SPOCK3: variants seen among roughly 807,000 people sequenced by gnomAD.
The protein encoded by SPOCK3 is testican-3.
A neutral mutation model predicts 56.6 loss-of-function variants in SPOCK3; 30 were observed. That is an observed-to-expected ratio of 0.53 (90% CI 0.40 to 0.72). SPOCK3 has a LOEUF of 0.72. SPOCK3 is among the 30% of genes least tolerant of loss of function. SPOCK3 has a pLI of 0.00. For synonymous variants in SPOCK3, 196 were observed against 183.3 expected (o/e 1.07, Z -0.56); for missense variants, 527 against 530.0 (o/e 0.99, Z 0.06).
intron 3 of SPOCK3, among the ~76,000 whole-genome samples, chr4:167,057,515 C>A (rs896563695): frequency 3.3e-5 from 5 of 151,800 alleles, no homozygotes; most frequent in Non-Finnish European, 5.9e-5. Flanking sequence ...AGTCAAGACC[C>A]ATCAGTGTGC....
At chr4:166,753,191 CA>C (rs1736648857) in intron 8 of SPOCK3, among the ~76,000 whole-genome samples, 1 of 151,324 alleles carries the variant, frequency 6.6e-6, no homozygotes, top group Admixed American at 6.6e-5. Flanking sequence ...ACCATAACAC[CA>C]AAAAATAAAA....
intron 7 of SPOCK3, among the ~76,000 whole-genome samples, chr4:166,773,428 CT>C (rs1374965534): frequency 7.5e-6 from 1 of 132,770 alleles, no homozygotes; most frequent in Non-Finnish European, 1.7e-5. Context: ...ATAAAAGTAA[CT>C]GTTTCTTTTA....
At chr4:167,219,217 C>T (rs13119837) in intron 2 of SPOCK3, among the ~76,000 whole-genome samples, 4,816 of 152,160 alleles carry the variant, frequency 0.032, 114 homozygotes, top group Middle Eastern at 0.075. Flanking sequence ...TACTGGAAGA[C>T]TAGGAGGTTG....
intron 3 of SPOCK3, among the ~76,000 whole-genome samples, chr4:167,047,779 G>A (rs917405880): frequency 6.6e-6 from 1 of 152,146 alleles, no homozygotes; most frequent in African/African-American, 2.4e-5. Context: ...CTAGTGCTGT[G>A]GCTCACGCCT....
intron 4 of SPOCK3, among the ~76,000 whole-genome samples, chr4:166,987,376 C>G (rs1036543684): frequency 2.0e-5 from 3 of 152,188 alleles, no homozygotes; most frequent in Non-Finnish European, 4.4e-5. Flanking sequence ...TGCTCTGCCA[C>G]CTTGCCTCTT....
At chr4:167,161,367 A>G (rs573311615) in intron 2 of SPOCK3, among the ~76,000 whole-genome samples, 205 of 152,148 alleles carry the variant, frequency 1.3e-3, no homozygotes, top group African/African-American at 4.6e-3. Context: ...TTAGAATGGC[A>G]ATCATTAAAA....
At position 167,119,687 on chromosome 4, in the gene SPOCK3, A is replaced by G. The variant is rs551677746; in HGVS notation, c.190-57150T>C. ...CTTGTTTGTTTGATGCATATCAGAA[A>G]AACAACACATTTGAAGTATTTAAAT... is the stretch of plus-strand genomic sequence containing the variant. On this transcript the variant is annotated intron_variant, in intron 2 of 10. Coordinates refer to ENST00000357545, the MANE Select transcript of SPOCK3 (RefSeq NM_001040159.2). 13 of 773,600 alleles carry G rather than the reference A, an allele frequency of 1.7e-5. No homozygotes were observed. The South Asian group carries it at 2.2e-4, about 13-fold the overall frequency. 47.9% of individuals were successfully genotyped at this position (773,600 alleles called of 1,614,324 possible). A position where few individuals can be genotyped will look rare whatever the true frequency, so the allele number is the denominator to read the frequency against.
intron 6 of SPOCK3, among the ~76,000 whole-genome samples, chr4:166,853,484 T>C (rs1730344267): frequency 6.6e-6 from 1 of 152,216 alleles, no homozygotes; most frequent in Non-Finnish European, 1.5e-5. Context: ...AAGGTCACAA[T>C]AACACCTTTT....
intron 4 of SPOCK3, among the ~76,000 whole-genome samples, chr4:166,922,457 T>C (rs10020692): frequency 0.6 from 90,797 of 151,964 alleles, 28,126 homozygotes; most frequent in African/African-American, 0.76. Context: ...TTCTAACTCC[T>C]CTTATGCTTT....
chr4:167,205,358 ATAT>A (rs1734056750), intron 2 of SPOCK3, among the ~76,000 whole-genome samples: 2 of 37,762 alleles, frequency 5.3e-5, no homozygotes, highest in Admixed American at 5.7e-4. Context: ...TATAATATAT[ATAT>A]TATATATTTT....
At chr4:166,913,604 T>C (rs2127102636) in intron 4 of SPOCK3, among the ~76,000 whole-genome samples, 1 of 152,324 alleles carries the variant, frequency 6.6e-6, no homozygotes, top group East Asian at 1.9e-4. Flanking sequence ...AGAAACATTT[T>C]TTTTCTTTTT....
chr4:166,750,980 C>A (rs1463360992), intron 8 of SPOCK3, among the ~76,000 whole-genome samples: 1 of 152,138 alleles, frequency 6.6e-6, no homozygotes, highest in African/African-American at 2.4e-5. Context: ...ACAACTCCAA[C>A]AGGGTACCAT....
intron 2 of SPOCK3, among the ~76,000 whole-genome samples, chr4:167,116,200 T>C (rs1019754577): frequency 2.0e-5 from 3 of 151,694 alleles, no homozygotes; most frequent in Non-Finnish European, 4.4e-5. Flanking sequence ...TACAGACACA[T>C]ACACACACCC....
At chr4:166,867,986 T>C (rs1345068165) in intron 6 of SPOCK3, among the ~76,000 whole-genome samples, 1 of 152,032 alleles carries the variant, frequency 6.6e-6, no homozygotes, top group African/African-American at 2.4e-5. Context: ...GATTAAGAAA[T>C]AAATGGCATT....
chr4:166,772,983 A>T (rs777925045), intron 7 of SPOCK3, among the ~76,000 whole-genome samples: 7 of 152,114 alleles, frequency 4.6e-5, no homozygotes, highest in Non-Finnish European at 8.8e-5. Context: ...TTGTAGAGAC[A>T]GAGTCACTGT....
chr4:166,924,507 C>CT (rs1404054603), intron 4 of SPOCK3, among the ~76,000 whole-genome samples: 3 of 152,188 alleles, frequency 2.0e-5, no homozygotes, highest in Non-Finnish European at 4.4e-5. Flanking sequence ...CTAATTTCCC[C>CT]TTGAAAAATG....
chr4:167,173,620 C>T (rs35083027), intron 2 of SPOCK3, among the ~76,000 whole-genome samples: 4,662 of 152,188 alleles, frequency 0.031, 109 homozygotes, highest in Middle Eastern at 0.075. Flanking sequence ...CCAGTCATTT[C>T]TTTACTGGCT....
intron 2 of SPOCK3, among the ~76,000 whole-genome samples, chr4:167,159,193 C>G (rs1265379588): frequency 1.3e-5 from 2 of 151,940 alleles, no homozygotes; most frequent in Non-Finnish European, 2.9e-5. Flanking sequence ...CGCATAACTA[C>G]TATAAGTATT....
intron 2 of SPOCK3, among the ~76,000 whole-genome samples, chr4:167,076,947 C>T (rs1757241577): frequency 6.6e-6 from 1 of 151,824 alleles, no homozygotes; most frequent in Non-Finnish European, 1.5e-5. Context: ...ATAATTCAGT[C>T]AAGTCTGCAC....
Sources: gnomAD v4.1 joint callset for allele counts (sites outside exome capture counted in the v4.1 genomes callset) on GRCh38, gnomAD v4.1.1 for gene constraint, MANE v1.5 for transcripts, NCBI Gene and HGNC (gene_info 2026-07-23, HGNC 2026-07-21) for gene names.